Variants in DYNC1I1 observed in about 807,000 individuals in gnomAD.
The protein encoded by DYNC1I1 is dynein cytoplasmic 1 intermediate chain 1, also known as cytoplasmic dynein 1 intermediate chain 1.
A neutral mutation model predicts 86.6 loss-of-function variants in DYNC1I1; 43 were observed. The observed-to-expected ratio is 0.50, with a 90% CI of 0.39 to 0.64. The LOEUF (loss-of-function observed/expected upper bound fraction) is 0.64, where lower values mean the gene tolerates loss of function less well. DYNC1I1 is among the 30% of genes least tolerant of loss of function. The pLI is 0.00. For synonymous variants in DYNC1I1, 262 were observed against 283.7 expected (o/e 0.92, Z 0.77); for missense variants, 604 against 788.8 (o/e 0.77, Z 2.81).
At chr7:95,896,589 G>A (rs1790888646) in intron 6 of DYNC1I1, among the ~76,000 whole-genome samples, 1 of 152,048 alleles carries the variant, frequency 6.6e-6, no homozygotes, top group African/African-American at 2.4e-5. Context: ...ATTTAGAATT[G>A]GTTTCACACA....
At chr7:96,066,216 C>T (rs144837925) in intron 14 of DYNC1I1, among the ~76,000 whole-genome samples, 2 of 152,256 alleles carry the variant, frequency 1.3e-5, no homozygotes, top group African/African-American at 4.8e-5. Flanking sequence ...GCATGTTTTG[C>T]TCTCCTCTTC....
chr7:95,830,691 T>C (rs896677984), intron 5 of DYNC1I1, among the ~76,000 whole-genome samples: 4 of 152,168 alleles, frequency 2.6e-5, no homozygotes, highest in Non-Finnish European at 4.4e-5. Flanking sequence ...GCACATATGC[T>C]TTCATTTCTT....
chr7:95,860,327 C>T (rs116185754), intron 5 of DYNC1I1, among the ~76,000 whole-genome samples: 29 of 152,166 alleles, frequency 1.9e-4, no homozygotes, highest in Middle Eastern at 3.4e-3. Flanking sequence ...ATCCCACCCA[C>T]GTAAAAATAG....
chr7:95,774,087 C>T (rs1033910227), intron 1 of DYNC1I1, among the ~76,000 whole-genome samples: 12 of 152,142 alleles, frequency 7.9e-5, no homozygotes, highest in Non-Finnish European at 1.5e-4. Flanking sequence ...ACTGAGTTAC[C>T]ACATGTTCTC....
chr7:96,088,587 T>C (rs1563001211), intron 16 of DYNC1I1, among the ~76,000 whole-genome samples: 1 of 152,184 alleles, frequency 6.6e-6, no homozygotes, highest in African/African-American at 2.4e-5. Context: ...CTTAGAGCAG[T>C]AGCCTCAAAT....
At chr7:95,820,017 C>T (rs1205667909) in intron 4 of DYNC1I1, among the ~76,000 whole-genome samples, 1 of 152,138 alleles carries the variant, frequency 6.6e-6, no homozygotes, top group Non-Finnish European at 1.5e-5. Flanking sequence ...ATGGGAAGTC[C>T]TACATTTCTT....
chr7:95,791,667 G>A (rs1487423808), intron 1 of DYNC1I1, among the ~76,000 whole-genome samples: 7 of 152,124 alleles, frequency 4.6e-5, no homozygotes, highest in Admixed American at 1.3e-4. Flanking sequence ...GAATTTATTC[G>A]TTGAGATAAT....
chr7:95,931,358 C>G (rs1398912079), intron 6 of DYNC1I1, among the ~76,000 whole-genome samples: 1 of 152,164 alleles, frequency 6.6e-6, no homozygotes. Flanking sequence ...CCATGTTGGC[C>G]AGGCTGGTCT....
At chr7:95,786,325 C>T (rs368288585) in intron 1 of DYNC1I1, among the ~76,000 whole-genome samples, 1 of 152,304 alleles carries the variant, frequency 6.6e-6, no homozygotes, top group South Asian at 2.1e-4. Flanking sequence ...GCATCCTACT[C>T]GCATGTCAAT....
intron 6 of DYNC1I1, among the ~76,000 whole-genome samples, chr7:95,952,345 T>TG (rs1481799066): frequency 6.6e-6 from 1 of 152,136 alleles, no homozygotes; most frequent in African/African-American, 2.4e-5. Context: ...GCTTATACTT[T>TG]CCTCCCCTTT....
chr7:95,862,775 T>G (rs1225387044), intron 5 of DYNC1I1, among the ~76,000 whole-genome samples: 1 of 152,184 alleles, frequency 6.6e-6, no homozygotes, highest in African/African-American at 2.4e-5. Context: ...CCTCGGGGGA[T>G]TGGTTCTAGG....
At chr7:95,898,864 G>A (rs1404843457) in intron 6 of DYNC1I1, among the ~76,000 whole-genome samples, 1 of 152,106 alleles carries the variant, frequency 6.6e-6, no homozygotes, top group Non-Finnish European at 1.5e-5. Context: ...TTATCCTGGT[G>A]ATTAGACTCG....
chr7:96,061,712 T>TCACACACACACACACACA (rs147547424), intron 14 of DYNC1I1, among the ~76,000 whole-genome samples: 5 of 136,814 alleles, frequency 3.7e-5, no homozygotes, highest in African/African-American at 1.4e-4. Context: ...TCTCTCTCTC[T>TCACACACACACACACACA]CACACACACA....
intron 1 of DYNC1I1, among the ~76,000 whole-genome samples, chr7:95,782,376 C>T (rs990073619): frequency 1.3e-5 from 2 of 152,172 alleles, no homozygotes; most frequent in Non-Finnish European, 2.9e-5. Context: ...TGATATGTAA[C>T]CACATATGTA....
At chr7:95,856,418 C>T (rs957791296) in intron 5 of DYNC1I1, among the ~76,000 whole-genome samples, 6 of 152,100 alleles carry the variant, frequency 3.9e-5, no homozygotes, top group African/African-American at 1.4e-4. Flanking sequence ...ATGGCCGTTT[C>T]TTTTTTTCAT....
chr7:96,064,188 T>G (rs1789881560), intron 14 of DYNC1I1, among the ~76,000 whole-genome samples: 1 of 151,060 alleles, frequency 6.6e-6, no homozygotes, highest in Non-Finnish European at 1.5e-5. Flanking sequence ...TATCAGAATA[T>G]TTCATGGAAA....
intron 11 of DYNC1I1, among the ~76,000 whole-genome samples, chr7:96,028,790 C>T (rs1447673909): frequency 1.3e-5 from 2 of 152,070 alleles, no homozygotes; most frequent in African/African-American, 4.8e-5. Flanking sequence ...TGGTGTAAGT[C>T]TCAACATAAA....
chr7:95,921,679 A>G (rs552024631), intron 6 of DYNC1I1, among the ~76,000 whole-genome samples: 5 of 152,302 alleles, frequency 3.3e-5, no homozygotes, highest in Admixed American at 2.6e-4. Flanking sequence ...TGTGCACCAC[A>G]TTTATGAGCG....
intron 6 of DYNC1I1, among the ~76,000 whole-genome samples, chr7:95,929,086 A>T (rs1198737906): frequency 6.6e-6 from 1 of 152,210 alleles, no homozygotes; most frequent in Non-Finnish European, 1.5e-5. Context: ...CAACAAATGC[A>T]TAAAGATGAG....
Sources: allele counts gnomAD v4.1 joint callset (sites outside exome capture counted in the v4.1 genomes callset), GRCh38; gene constraint gnomAD v4.1.1; transcripts MANE v1.5; gene names NCBI Gene and HGNC (gene_info 2026-07-23, HGNC 2026-07-21).